Variants in NTNG1 observed in about 807,000 individuals in gnomAD.
NTNG1 encodes the protein netrin-G1.
Under a neutral mutation model 54.0 loss-of-function variants are expected in NTNG1, and 16 were observed. The ratio of observed to expected loss-of-function variants is 0.30; its 90% CI spans 0.20 to 0.45. The LOEUF (loss-of-function observed/expected upper bound fraction) is 0.45. Among genes scored for constraint, NTNG1 ranks in the 20% least tolerant of loss-of-function variants. The pLI is 1.00. For missense variants in NTNG1, 530 were observed against 678.7 expected (o/e 0.78, Z 2.43); for synonymous variants, 255 against 263.1 (o/e 0.97, Z 0.30).
At chr1:107,194,123 A>T (rs1658153241) in intron 2 of NTNG1, among the ~76,000 whole-genome samples, 1 of 151,512 alleles carries the variant, frequency 6.6e-6, no homozygotes, top group South Asian at 2.1e-4. Context: ...TTTGCCTAGA[A>T]CTCTCCTTGT....
intron 7 of NTNG1, among the ~76,000 whole-genome samples, chr1:107,459,860 A>G (rs761141125): frequency 6.6e-6 from 1 of 152,160 alleles, no homozygotes; most frequent in Non-Finnish European, 1.5e-5. Flanking sequence ...TCCTAGGGCA[A>G]ATTATTTGCT....
chr1:107,383,981 C>T (rs933833918), intron 3 of NTNG1, among the ~76,000 whole-genome samples: 12 of 152,292 alleles, frequency 7.9e-5, no homozygotes, highest in Middle Eastern at 3.4e-3. Context: ...TACCAGTCTT[C>T]GGATAGATTG....
At chr1:107,280,368 A>C (rs1267160237) in intron 2 of NTNG1, among the ~76,000 whole-genome samples, 1 of 151,188 alleles carries the variant, frequency 6.6e-6, no homozygotes, top group Non-Finnish European at 1.5e-5. Flanking sequence ...CTTCTCTCAT[A>C]AGTGTGTATG....
At chr1:107,323,986 C>G (rs1335032081) in intron 2 of NTNG1, among the ~76,000 whole-genome samples, 2 of 152,062 alleles carry the variant, frequency 1.3e-5, no homozygotes, top group East Asian at 3.9e-4. Flanking sequence ...AGCTGTTAGA[C>G]AGTTGCTCGG....
intron 3 of NTNG1, among the ~76,000 whole-genome samples, chr1:107,345,893 G>A (rs1669192377): frequency 6.6e-6 from 1 of 152,136 alleles, no homozygotes; most frequent in African/African-American, 2.4e-5. Flanking sequence ...AGAATTGAAA[G>A]TGTTCATTAG....
intron 2 of NTNG1, among the ~76,000 whole-genome samples, chr1:107,155,576 G>A (rs577078736): frequency 6.6e-5 from 10 of 151,972 alleles, no homozygotes; most frequent in South Asian, 2.1e-4. Flanking sequence ...ATACACATTC[G>A]CTTCATGTTT....
intron 2 of NTNG1, among the ~76,000 whole-genome samples, chr1:107,154,593 C>A (rs12087916): frequency 1.3e-5 from 1 of 76,456 alleles, no homozygotes; most frequent in African/African-American, 6.0e-5. Context: ...AAGACCCTGT[C>A]TCAAAAAAAA....
At chr1:107,394,405 C>T (rs2101086399) in intron 3 of NTNG1, among the ~76,000 whole-genome samples, 1 of 151,704 alleles carries the variant, frequency 6.6e-6, no homozygotes, top group South Asian at 2.1e-4. Context: ...TGGCTAATGA[C>T]TTCCAAACCC....
At chr1:107,361,391 A>ATATATATATT (rs370815306) in intron 3 of NTNG1, among the ~76,000 whole-genome samples, 987 of 87,880 alleles carry the variant, frequency 0.011, 5 homozygotes, top group East Asian at 0.016. Context: ...ATATATATAT[A>ATATATATATT]TTTTTTTTTT....
chr1:107,375,770 AG>A (rs1457009142), intron 3 of NTNG1, among the ~76,000 whole-genome samples: 7 of 152,198 alleles, frequency 4.6e-5, no homozygotes, highest in Admixed American at 1.3e-4. Context: ...AGCTACCCCA[AG>A]AGGAAGTAAA....
intron 2 of NTNG1, among the ~76,000 whole-genome samples, chr1:107,243,297 T>G (rs906771603): frequency 2.6e-5 from 4 of 152,296 alleles, no homozygotes; most frequent in African/African-American, 9.6e-5. Flanking sequence ...GCTCTAAAAA[T>G]GTTTCAAGCT....
intron 2 of NTNG1, among the ~76,000 whole-genome samples, chr1:107,317,492 G>T: frequency 6.6e-6 from 1 of 152,082 alleles, no homozygotes; most frequent in Non-Finnish European, 1.5e-5. Flanking sequence ...TTTATTTCTT[G>T]TCCAGTACAT....
At chr1:107,262,516 T>G (rs972719151) in intron 2 of NTNG1, among the ~76,000 whole-genome samples, 3 of 152,218 alleles carry the variant, frequency 2.0e-5, no homozygotes, top group African/African-American at 4.8e-5. Flanking sequence ...TTCTGATATT[T>G]TATGCCATTG....
chr1:107,343,350 T>A (rs1669020393), intron 3 of NTNG1, among the ~76,000 whole-genome samples: 1 of 152,100 alleles, frequency 6.6e-6, no homozygotes, highest in African/African-American at 2.4e-5. Flanking sequence ...TGGAAGTGTG[T>A]TCACATGATG....
chr1:107,480,703 A>G lies in NTNG1; in HGVS notation c.1483A>G (p.Ile495Val), dbSNP rs183342709. 29 of 1,611,480 alleles carry G rather than the reference A, an allele frequency of 1.8e-5. No individual in the cohort carries two copies. The Admixed American group carries it at 1.8e-4, about 10-fold the overall frequency. Reference protein sequence around the residue: ...RCLCPAAYTGILCEKLRCEEA... With the variant: ...RCLCPAAYTGVLCEKLRCEEA... ...CCTGTGCCCGGCCGCATACACGGGC[A>G]TCCTCTGCGAGAAGCTGCGGTGCGA... The change falls in exon 8 of 8, where the codon ATC becomes GTC. Residue 495 changes from isoleucine (I) to valine (V), a missense_variant. Physicochemically the swap from Ile to Val is conservative, Grantham distance 29 (BLOSUM62 3). Coordinates refer to ENST00000370068, the MANE Select transcript of NTNG1 (RefSeq NM_001113226.3).
Position 107,481,179 on chromosome 1 carries a change from T to G in NTNG1, c.*339T>G. Reference sequence around the variant, plus strand: ...AACAAATCAACCGACCTAAAAACATTGGCTACTCTAGCGTGGTGCGCCCTA... The same window carrying G: ...AACAAATCAACCGACCTAAAAACATGGGCTACTCTAGCGTGGTGCGCCCTA... On this transcript the variant is annotated 3_prime_UTR_variant, in exon 8 of 8. Coordinates refer to ENST00000370068, the MANE Select transcript of NTNG1 (RefSeq NM_001113226.3). 1 of 332,198 alleles carries G rather than the reference T, an allele frequency of 3.0e-6. No homozygotes were observed. The highest frequency in any genetic ancestry group is 5.6e-6 in the Non-Finnish European group (1 of 178,728). 20.6% of individuals were successfully genotyped at this position (332,198 alleles called of 1,614,324 possible).
At chr1:107,405,188 G>A (rs975447432) in intron 4 of NTNG1, among the ~76,000 whole-genome samples, 16 of 151,888 alleles carry the variant, frequency 1.1e-4, no homozygotes, top group Non-Finnish European at 1.5e-4. Flanking sequence ...AAGGTATTTG[G>A]ACATTAAAAT....
At chr1:107,237,722 G>T (rs1661507974) in intron 2 of NTNG1, among the ~76,000 whole-genome samples, 1 of 152,140 alleles carries the variant, frequency 6.6e-6, no homozygotes, top group Non-Finnish European at 1.5e-5. Context: ...GGCTTGAGAG[G>T]GTTCAAACCC....
intron 2 of NTNG1, among the ~76,000 whole-genome samples, chr1:107,319,833 G>C (rs529775990): frequency 6.7e-6 from 1 of 149,326 alleles, no homozygotes; most frequent in African/African-American, 2.5e-5. Context: ...ATAGCAACCG[G>C]AAGTGTTACA....
Sources: allele counts gnomAD v4.1 joint callset (sites outside exome capture counted in the v4.1 genomes callset), GRCh38; gene constraint gnomAD v4.1.1; transcripts MANE v1.5; gene names NCBI Gene and HGNC (gene_info 2026-07-23, HGNC 2026-07-21).